The following PCDH9 variants were observed in gnomAD, a reference collection of about 807,000 sequenced individuals.
PCDH9 encodes protocadherin 9, also known as protocadherin-9.
In PCDH9, 24 loss-of-function variants were observed where a neutral mutation model predicts 70.6. The ratio of observed to expected loss-of-function variants is 0.34; its 90% CI spans 0.25 to 0.48. The LOEUF (loss-of-function observed/expected upper bound fraction) is 0.48, where lower values mean the gene tolerates loss of function less well. PCDH9 is among the 20% of genes least tolerant of loss of function. PCDH9 has a pLI of 0.99. For missense variants in PCDH9, 1,281 were observed against 1,503.6 expected, an observed-to-expected ratio of 0.85 and a Z score of 2.45; for synonymous variants, 562 against 558.5, an observed-to-expected ratio of 1.01 and a Z score of -0.09.
intron 2 of PCDH9, among the ~76,000 whole-genome samples, chr13:67,097,071 C>A (rs1343176672): frequency 1.4e-5 from 2 of 147,362 alleles, no homozygotes; most frequent in Non-Finnish European, 3.0e-5. Flanking sequence ...AATGGTGAAA[C>A]CCTATCTCTA....
intron 2 of PCDH9, among the ~76,000 whole-genome samples, chr13:67,038,864 G>C (rs2085058374): frequency 6.6e-6 from 1 of 152,104 alleles, no homozygotes; most frequent in African/African-American, 2.4e-5. Flanking sequence ...GTGAGTAATA[G>C]AAGAGTTTTT....
At chr13:66,339,800 AATAGT>A (rs1956096765) in intron 4 of PCDH9, among the ~76,000 whole-genome samples, 1 of 152,162 alleles carries the variant, frequency 6.6e-6, no homozygotes, top group African/African-American at 2.4e-5. Flanking sequence ...TAAAAAAGGG[AATAGT>A]ATAGCAACCT....
intron 2 of PCDH9, among the ~76,000 whole-genome samples, chr13:66,921,993 A>G (rs1386797893): frequency 6.6e-6 from 1 of 151,330 alleles, no homozygotes; most frequent in Non-Finnish European, 1.5e-5. Flanking sequence ...AAAAAAGTTT[A>G]TGAAAACTTT....
intron 2 of PCDH9, among the ~76,000 whole-genome samples, chr13:67,071,129 C>T (rs979450863): frequency 2.0e-5 from 3 of 152,124 alleles, no homozygotes; most frequent in South Asian, 2.1e-4. Context: ...CCTCAACCCC[C>T]AGTCGTAACA....
chr13:66,337,900 A>T (rs937752647), intron 4 of PCDH9, among the ~76,000 whole-genome samples: 2 of 152,096 alleles, frequency 1.3e-5, no homozygotes, highest in African/African-American at 4.8e-5. Context: ...TCAAAATACC[A>T]CTAAGAATAT....
At chr13:66,740,201 C>T (rs1176582036) in intron 3 of PCDH9, among the ~76,000 whole-genome samples, 3 of 142,554 alleles carry the variant, frequency 2.1e-5, no homozygotes, top group African/African-American at 7.9e-5. Flanking sequence ...CAAAGCCGCT[C>T]AACTACATGG....
intron 4 of PCDH9, among the ~76,000 whole-genome samples, chr13:66,628,801 A>G (rs1272147372): frequency 6.6e-6 from 1 of 152,258 alleles, no homozygotes; most frequent in African/African-American, 2.4e-5. Flanking sequence ...CTGCTATGAT[A>G]GTGAAGGTAT....
chr13:66,696,860 G>A (rs1466279391), intron 3 of PCDH9, among the ~76,000 whole-genome samples: 1 of 142,608 alleles, frequency 7.0e-6, no homozygotes, highest in Non-Finnish European at 1.5e-5. Context: ...CCAGCACTTT[G>A]AGAGGCCAAG....
intron 4 of PCDH9, among the ~76,000 whole-genome samples, chr13:66,464,354 C>T (rs1435863346): frequency 6.6e-6 from 1 of 151,742 alleles, no homozygotes; most frequent in African/African-American, 2.4e-5. Flanking sequence ...CATTATGTAG[C>T]TAAAAAAGGA....
At chr13:66,641,769 A>G (rs1420645528) in intron 3 of PCDH9, among the ~76,000 whole-genome samples, 1 of 152,190 alleles carries the variant, frequency 6.6e-6, no homozygotes. Context: ...AGAAATATCG[A>G]TATGGGTTGA....
chr13:66,739,657 C>CA (rs1344477639), intron 3 of PCDH9, among the ~76,000 whole-genome samples: 2 of 151,730 alleles, frequency 1.3e-5, no homozygotes, highest in Admixed American at 1.3e-4. Flanking sequence ...ATCTACCAAG[C>CA]AAATGGAAAA....
chr13:66,572,787 C>T (rs559114904), intron 4 of PCDH9, among the ~76,000 whole-genome samples: 6 of 151,988 alleles, frequency 3.9e-5, no homozygotes, highest in East Asian at 1.9e-4. Flanking sequence ...TGAGACAGGG[C>T]CTTGCTGTAT....
chr13:67,050,416 T>C (rs1033496706), intron 2 of PCDH9, among the ~76,000 whole-genome samples: 2 of 152,212 alleles, frequency 1.3e-5, no homozygotes, highest in African/African-American at 2.4e-5. Context: ...TTGTCTATTC[T>C]AAGAATGACT....
rs369446654 is a variant in PCDH9, at chr13:67,026,095, G to A, written c.3037-122490C>T. 6.6e-5 allele frequency among the ~76,000 whole-genome samples: 10 copies of A among 152,186 alleles called. No individual in the cohort carries two copies. In the East Asian group the frequency reaches 1.5e-3, roughly 24 times the overall value. ...TAAAGTGTACACATCTGCATCTATT[G>A]AGATAATCATGTGGTTTTTGTCTTT... On this transcript the variant is annotated intron_variant, in intron 2 of 4. Transcript: ENST00000377865.
At chr13:66,484,055 A>C (rs1279700258) in intron 4 of PCDH9, among the ~76,000 whole-genome samples, 1 of 152,072 alleles carries the variant, frequency 6.6e-6, no homozygotes, top group Non-Finnish European at 1.5e-5. Context: ...TCCAGGGGAA[A>C]ACCATCTCCC....
intron 3 of PCDH9, among the ~76,000 whole-genome samples, chr13:66,675,296 T>C (rs1390840633): frequency 1.3e-5 from 2 of 152,158 alleles, no homozygotes; most frequent in Non-Finnish European, 1.5e-5. Flanking sequence ...TTGATTTTTA[T>C]TTAAAAGCAT....
intron 4 of PCDH9, among the ~76,000 whole-genome samples, chr13:66,519,067 C>A: frequency 6.6e-6 from 1 of 152,196 alleles, no homozygotes; most frequent in South Asian, 2.1e-4. Context: ...AACTACTATG[C>A]ATGTGGCCAC....
At chr13:67,197,508 A>G (rs1162055558) in intron 2 of PCDH9, among the ~76,000 whole-genome samples, 1 of 151,972 alleles carries the variant, frequency 6.6e-6, no homozygotes, top group East Asian at 1.9e-4. Flanking sequence ...TTTGGTTGTT[A>G]CTCAGGGCCA....
At chr13:66,707,153 C>CCTAG (rs1306945155) in intron 3 of PCDH9, among the ~76,000 whole-genome samples, 1 of 152,100 alleles carries the variant, frequency 6.6e-6, no homozygotes, top group Non-Finnish European at 1.5e-5. Context: ...AAGAGGTGAA[C>CCTAG]CTAGCATGGT....
Sources: allele counts gnomAD v4.1 joint callset (sites outside exome capture counted in the v4.1 genomes callset), GRCh38; gene constraint gnomAD v4.1.1; transcripts MANE v1.5; gene names NCBI Gene and HGNC (gene_info 2026-07-23, HGNC 2026-07-21).